Variants in GAREM1 observed in about 807,000 individuals in gnomAD.
GAREM1 encodes GRB2 associated regulator of MAPK1 subtype 1, also known as GRB2-associated and regulator of MAPK protein 1.
In GAREM1, 26 loss-of-function variants were observed where a neutral mutation model predicts 71.3. The observed-to-expected ratio is 0.36, with a 90% confidence interval of 0.27 to 0.51. The LOEUF (loss-of-function observed/expected upper bound fraction) is 0.51. Among genes scored for constraint, GAREM1 ranks in the 20% least tolerant of loss-of-function variants. GAREM1 has a pLI of 0.95. For missense variants in GAREM1, 1,026 were observed against 1,103.1 expected, an observed-to-expected ratio of 0.93 and a Z score of 0.99; for synonymous variants, 440 against 433.2, an observed-to-expected ratio of 1.02 and a Z score of -0.20.
intron 1 of GAREM1, among the ~76,000 whole-genome samples, chr18:32,461,030 T>C (rs766182787): frequency 7.9e-5 from 12 of 152,224 alleles, no homozygotes; most frequent in Non-Finnish European, 1.3e-4. Flanking sequence ...TTATAAATCA[T>C]GATAGTCTCT....
In GAREM1 at chr18:32,284,034, C is replaced by T. The variant is rs147763018; in HGVS notation, c.1566+2997G>A. 6.7e-4 allele frequency among the ~76,000 whole-genome samples: 102 copies of T among 152,274 alleles called. 1 individual carries two copies. The highest frequency in any genetic ancestry group is 2.2e-3 in the African/African-American group (93 of 41,552). ...CAAGACTCATTCCACCGGAACTATC[C>T]AAATAACTTTTACTTAATTCTGTGG... On this transcript the variant is annotated intron_variant, in intron 4 of 5. Transcript: ENST00000269209.
intron 2 of GAREM1, among the ~76,000 whole-genome samples, chr18:32,350,254 G>A (rs2047735041): frequency 6.6e-6 from 1 of 152,060 alleles, no homozygotes; most frequent in Non-Finnish European, 1.5e-5. Flanking sequence ...GTTTTTAAAA[G>A]TCTATTTATG....
At chr18:32,271,705 G>A (rs577926735) in intron 4 of GAREM1, among the ~76,000 whole-genome samples, 1 of 152,306 alleles carries the variant, frequency 6.6e-6, no homozygotes, top group Non-Finnish European at 1.5e-5. Context: ...TATAAGAGCT[G>A]CTTCCAGCTC....
intron 2 of GAREM1, among the ~76,000 whole-genome samples, chr18:32,316,204 C>G (rs1304945097): frequency 1.3e-5 from 2 of 152,130 alleles, no homozygotes; most frequent in African/African-American, 4.8e-5. Context: ...AGGAAAAAAA[C>G]TAACAGCTAA....
At chr18:32,426,219 C>T (rs2048573794) in intron 1 of GAREM1, among the ~76,000 whole-genome samples, 1 of 151,868 alleles carries the variant, frequency 6.6e-6, no homozygotes, top group Admixed American at 6.6e-5. Flanking sequence ...GGGGTTTCAC[C>T]GTGTTAGCCC....
intron 2 of GAREM1, among the ~76,000 whole-genome samples, chr18:32,334,872 C>T (rs1236352278): frequency 1.3e-5 from 2 of 152,098 alleles, no homozygotes; most frequent in East Asian, 3.9e-4. Flanking sequence ...TATGTGGGCA[C>T]CCTCAGGAGA....
intron 4 of GAREM1, among the ~76,000 whole-genome samples, chr18:32,274,849 C>A (rs1352143201): frequency 6.6e-6 from 1 of 151,936 alleles, no homozygotes; most frequent in African/African-American, 2.4e-5. Flanking sequence ...TTTTAGCTAT[C>A]CCTTGTTATT....
At chr18:32,268,895 G>T in intron 5 of GAREM1, 127 bp from the exon 6 acceptor site, 1 of 693,868 alleles carries the variant, frequency 1.4e-6, no homozygotes, top group Non-Finnish European at 2.3e-6. Context: ...TAAAATTCCT[G>T]CTAACTTCAC....
At chr18:32,438,293 CCT>C (rs1432442219) in intron 1 of GAREM1, among the ~76,000 whole-genome samples, 1 of 152,218 alleles carries the variant, frequency 6.6e-6, no homozygotes. Context: ...AGCCACCAGC[CCT>C]GTGAATTGAT....
At chr18:32,289,509 G>T (rs944931597) in intron 3 of GAREM1, among the ~76,000 whole-genome samples, 18 of 152,062 alleles carry the variant, frequency 1.2e-4, no homozygotes, top group African/African-American at 4.3e-4. Context: ...TGTCATTTGT[G>T]CTATGTATTC....
chr18:32,315,328 AAAGAG>A (rs1280892173), intron 2 of GAREM1, among the ~76,000 whole-genome samples: 16 of 151,672 alleles, frequency 1.1e-4, no homozygotes, highest in African/African-American at 3.1e-4. Flanking sequence ...AGCCACATTT[AAAGAG>A]AAGAGGTAAA....
chr18:32,415,524 C>G (rs58367312), intron 1 of GAREM1, among the ~76,000 whole-genome samples: 3,964 of 152,188 alleles, frequency 0.026, 95 homozygotes, highest in African/African-American at 0.062. Context: ...GCTCATTCAT[C>G]ATAACCAAGG....
chr18:32,298,206 A>AAC (rs2047162806), intron 3 of GAREM1, among the ~76,000 whole-genome samples: 1 of 152,144 alleles, frequency 6.6e-6, no homozygotes, highest in Non-Finnish European at 1.5e-5. Flanking sequence ...TCTGTATCCC[A>AAC]TGCTTCCAAC....
chr18:32,467,076 T>A (rs2049006819), intron 1 of GAREM1, among the ~76,000 whole-genome samples: 1 of 152,184 alleles, frequency 6.6e-6, no homozygotes, highest in Non-Finnish European at 1.5e-5. Context: ...TAGTGAATAT[T>A]CATTCTAAGG....
intron 2 of GAREM1, among the ~76,000 whole-genome samples, chr18:32,323,632 C>T (rs145502048): frequency 6.6e-6 from 1 of 152,088 alleles, no homozygotes; most frequent in Non-Finnish European, 1.5e-5. Flanking sequence ...TCCCTTGAGC[C>T]CAAGAGGCAG....
chr18:32,467,810 T>C (rs1247858197), intron 1 of GAREM1, among the ~76,000 whole-genome samples: 2 of 152,106 alleles, frequency 1.3e-5, no homozygotes, highest in South Asian at 2.1e-4. Flanking sequence ...GTACTAAAAC[T>C]GGGGAAAAGG....
intron 4 of GAREM1, among the ~76,000 whole-genome samples, chr18:32,277,190 G>A (rs925031382): frequency 3.9e-5 from 6 of 152,128 alleles, no homozygotes; most frequent in Admixed American, 1.3e-4. Context: ...ACTCTTCTCA[G>A]GAATTGTCTG....
At chr18:32,350,749 T>C (rs1445769557) in intron 2 of GAREM1, among the ~76,000 whole-genome samples, 3 of 152,204 alleles carry the variant, frequency 2.0e-5, no homozygotes, top group Non-Finnish European at 2.9e-5. Context: ...ATTTCTACTG[T>C]AGAAACAAAC....
chr18:32,324,318 C>T (rs2047455650), intron 2 of GAREM1, among the ~76,000 whole-genome samples: 1 of 152,124 alleles, frequency 6.6e-6, no homozygotes, highest in Admixed American at 6.5e-5. Context: ...AACATTCCAC[C>T]ATTATTTCTC....
Sources: allele counts gnomAD v4.1 joint callset (sites outside exome capture counted in the v4.1 genomes callset), GRCh38; gene constraint gnomAD v4.1.1; transcripts MANE v1.5; gene names NCBI Gene and HGNC (gene_info 2026-07-23, HGNC 2026-07-21).